Variants in SLC4A4 observed in about 807,000 individuals in gnomAD.
SLC4A4 encodes electrogenic sodium bicarbonate cotransporter 1.
A neutral mutation model predicts 111.5 loss-of-function variants in SLC4A4; 27 were observed. That is an observed-to-expected ratio of 0.24 (90% confidence interval 0.18 to 0.33). SLC4A4 has a LOEUF of 0.33. SLC4A4 is among the 10% of genes least tolerant of loss of function. The probability of loss-of-function intolerance (pLI) is 1.00; values close to 1 mark genes in which losing one functional copy is unlikely to be tolerated. For missense variants in SLC4A4, 909 were observed against 1,315.5 expected, an observed-to-expected ratio of 0.69 and a Z score of 4.78; for synonymous variants, 443 against 463.4, an observed-to-expected ratio of 0.96 and a Z score of 0.57.
intron 18 of SLC4A4, 23 bp downstream of exon 18, chr4:71,534,411 G>T: frequency 6.2e-7 from 1 of 1,608,910 alleles, no homozygotes. Flanking sequence ...AATAATGTCT[G>T]TCATTGCCTT....
intron 21 of SLC4A4, 132 bp from the exon 22 acceptor site, chr4:71,557,580 G>A: frequency 1.2e-6 from 1 of 849,422 alleles, no homozygotes; most frequent in South Asian, 1.4e-5. Context: ...TGCATTCCTT[G>A]ACCATTCCTT....
intron 16 of SLC4A4, among the ~76,000 whole-genome samples, chr4:71,502,795 T>C (rs1731061832): frequency 6.6e-6 from 1 of 152,196 alleles, no homozygotes; most frequent in South Asian, 2.1e-4. Flanking sequence ...GAGAAGAATG[T>C]GTATTCTGTA....
intron 1 of SLC4A4, among the ~76,000 whole-genome samples, chr4:71,084,526 G>C (rs1055602642): frequency 6.6e-6 from 1 of 151,856 alleles, no homozygotes; most frequent in African/African-American, 2.4e-5. Flanking sequence ...TTAACATTAG[G>C]TATATCTCCT....
At chr4:71,376,233 G>A (rs560432064) in intron 6 of SLC4A4, among the ~76,000 whole-genome samples, 11 of 144,472 alleles carry the variant, frequency 7.6e-5, no homozygotes, top group Admixed American at 4.9e-4. Context: ...ACGGAGTCTC[G>A]CTCTGTCACC....
At chr4:71,499,867 G>A (rs1234404621) in intron 16 of SLC4A4, among the ~76,000 whole-genome samples, 1 of 152,082 alleles carries the variant, frequency 6.6e-6, no homozygotes, top group Non-Finnish European at 1.5e-5. Context: ...TGGCCATTGC[G>A]AATAATGCTA....
intron 2 of SLC4A4, among the ~76,000 whole-genome samples, chr4:71,150,624 A>T (rs1402386099): frequency 6.6e-6 from 1 of 152,174 alleles, no homozygotes; most frequent in Non-Finnish European, 1.5e-5. Flanking sequence ...TAAAAAATGA[A>T]ATCCTTTGCT....
intron 3 of SLC4A4, among the ~76,000 whole-genome samples, chr4:71,301,816 C>T (rs1260213749): frequency 6.6e-6 from 1 of 152,202 alleles, no homozygotes; most frequent in Non-Finnish European, 1.5e-5. Context: ...CCAGCCACCT[C>T]TGCTGTTGAC....
intron 1 of SLC4A4, among the ~76,000 whole-genome samples, chr4:71,229,861 A>G (rs1350193659): frequency 6.7e-6 from 1 of 148,326 alleles, no homozygotes; most frequent in Non-Finnish European, 1.5e-5. Context: ...TTTAAAAGGA[A>G]TGGTTGCAGC....
chr4:71,508,455 C>G (rs912572633), intron 16 of SLC4A4, among the ~76,000 whole-genome samples: 1 of 152,116 alleles, frequency 6.6e-6, no homozygotes, highest in African/African-American at 2.4e-5. Flanking sequence ...AATATTATCC[C>G]TTAATAGTGT....
intron 1 of SLC4A4, among the ~76,000 whole-genome samples, chr4:71,086,367 T>C (rs1357309485): frequency 6.6e-6 from 1 of 151,916 alleles, no homozygotes; most frequent in Non-Finnish European, 1.5e-5. Flanking sequence ...CAATTTGACT[T>C]CCTCTTTTCC....
intron 1 of SLC4A4, among the ~76,000 whole-genome samples, chr4:71,073,177 A>T (rs1741713861): frequency 6.6e-6 from 1 of 151,896 alleles, no homozygotes. Flanking sequence ...TTTAATTGCA[A>T]TTTTTTTCCC....
At chr4:71,452,385 T>A (rs1393811514) in intron 11 of SLC4A4, among the ~76,000 whole-genome samples, 1 of 152,184 alleles carries the variant, frequency 6.6e-6, no homozygotes, top group African/African-American at 2.4e-5. Context: ...AATCAGAATA[T>A]ATTTCATTCT....
chr4:71,167,758 C>T (rs973389848), intron 2 of SLC4A4, among the ~76,000 whole-genome samples: 2 of 152,108 alleles, frequency 1.3e-5, no homozygotes, highest in Non-Finnish European at 2.9e-5. Flanking sequence ...TCAAGTTTCT[C>T]CATCTTAGAA....
intron 1 of SLC4A4, among the ~76,000 whole-genome samples, chr4:71,076,987 C>CA (rs1386511103): frequency 2.0e-4 from 29 of 142,516 alleles, no homozygotes; most frequent in Admixed American, 5.6e-4. Context: ...GACCCTGTCT[C>CA]AAAAAAAAAT....
intron 15 of SLC4A4, among the ~76,000 whole-genome samples, chr4:71,492,236 T>C (rs1729997067): frequency 6.6e-6 from 1 of 151,890 alleles, no homozygotes; most frequent in South Asian, 2.1e-4. Context: ...AAGCCCCATA[T>C]ACGCATCACC....
chr4:71,275,044 G>T (rs1722972673), intron 3 of SLC4A4, among the ~76,000 whole-genome samples: 1 of 152,078 alleles, frequency 6.6e-6, no homozygotes, highest in Non-Finnish European at 1.5e-5. Context: ...TTCCTTTGGA[G>T]AAATGTCCTC....
At chr4:71,320,151 C>G (rs1017562916) in intron 3 of SLC4A4, among the ~76,000 whole-genome samples, 4 of 152,032 alleles carry the variant, frequency 2.6e-5, no homozygotes, top group South Asian at 2.1e-4. Flanking sequence ...ACACCACTTG[C>G]AAGCAACAGC....
chr4:71,511,584 A>G (rs1245778457), intron 16 of SLC4A4, among the ~76,000 whole-genome samples: 1 of 152,030 alleles, frequency 6.6e-6, no homozygotes, highest in Non-Finnish European at 1.5e-5. Flanking sequence ...GCACAAATTT[A>G]TGGGGTATGT....
rs149716736 is a variant in SLC4A4 at position 71,521,912 on chromosome 4, C to T, written c.2167-10150C>T. On this transcript the variant is annotated intron_variant, in intron 16 of 25. Coordinates refer to ENST00000264485, the MANE Select transcript of SLC4A4 (RefSeq NM_001098484.3). ...CCTTTACACTTACACTTCGATTCCA[C>T]TCGTTCTGGCTCCCATTACCTTTGC... Among the ~76,000 whole-genome samples the T allele has an allele frequency of 1.7e-3, 252 of 152,292 alleles. 2 individuals carry two copies. Among genetic ancestry groups the T allele is most frequent in the Middle Eastern group, 3.4e-3 (1 of 294 alleles).
Sources: gnomAD v4.1 joint callset for allele counts (sites outside exome capture counted in the v4.1 genomes callset) on GRCh38, gnomAD v4.1.1 for gene constraint, MANE v1.5 for transcripts, NCBI Gene and HGNC (gene_info 2026-07-23, HGNC 2026-07-21) for gene names.